DTX2: variants seen among roughly 807,000 people sequenced by gnomAD.
DTX2 encodes deltex E3 ubiquitin ligase 2.
In DTX2, 29 loss-of-function variants were observed where a neutral mutation model predicts 55.3. That is an observed-to-expected ratio of 0.52 (90% CI 0.39 to 0.71). The LOEUF (loss-of-function observed/expected upper bound fraction) is 0.71, where lower values mean the gene tolerates loss of function less well. DTX2 is among the 30% of genes least tolerant of loss of function. DTX2 has a pLI of 0.00. For synonymous variants in DTX2, 276 were observed against 340.4 expected (o/e 0.81, Z 2.08); for missense variants, 537 against 822.5 (o/e 0.65, Z 4.25).
At chr7:76,491,297 T>A (rs1312768930) in intron 4 of DTX2, among the ~76,000 whole-genome samples, 1 of 72,944 alleles carries the variant, frequency 1.4e-5, no homozygotes, top group Non-Finnish European at 2.8e-5. Flanking sequence ...CACCCAGCCA[T>A]TTTTTTTTTT....
chr7:76,482,855 A>G lies in DTX2; in HGVS notation c.616A>G (p.Arg206Gly). The change falls in exon 4 of 11, where the codon AGA becomes GGA. Residue 206 changes from arginine to glycine, a missense_variant. Physicochemically the swap from Arg to Gly is moderately radical, Grantham distance 125. Coordinates refer to ENST00000430490, the MANE Select transcript of DTX2 (RefSeq NM_001102594.3). ...TTGCCACCAGTGCCTCAGTGGCAGC[A>G]GAACTGGCCCCGTGTCAGGCCGCTA... ...CSCHQCLSGS[R>G]TGPVSGRYRH... 6.2e-7 allele frequency: 1 copy of G among 1,613,780 alleles called. No individual in the cohort carries two copies. The highest frequency in any genetic ancestry group is 8.5e-7 in the Non-Finnish European group (1 of 1,179,726).
rs746479588 is a variant in DTX2 at position 76,483,089 on chromosome 7, C to T, written c.850C>T (p.Leu284Phe). ...GAGCCAGCCCCTCTACCGCTCCAGCCTCTCCCACCTGGGACCGCAGCACCT... is the reference window on the plus strand; with the variant it reads ...GAGCCAGCCCCTCTACCGCTCCAGCTTCTCCCACCTGGGACCGCAGCACCT... ...LGSQPLYRSS[L>F]SHLGPQHLPP... is the part of the protein sequence containing the mutation. The change falls in exon 4 of 11, where the codon CTC (leucine) becomes TTC (phenylalanine). Residue 284 changes from leucine (L) to phenylalanine (F), a missense_variant. By Grantham distance (22) the Leu-to-Phe change is conservative. Coordinates refer to ENST00000430490, the MANE Select transcript of DTX2 (RefSeq NM_001102594.3). The T allele has an allele frequency of 3.1e-6, 5 of 1,613,238 alleles. No homozygotes were observed. Among genetic ancestry groups the T allele is most frequent in the East Asian group, 2.2e-5 (1 of 44,874 alleles).
chr7:76,489,450 CTG>C, intron 4 of DTX2, among the ~76,000 whole-genome samples: 1 of 24,800 alleles, frequency 4.0e-5, no homozygotes, highest in Non-Finnish European at 7.1e-5. Flanking sequence ...GACCCCAACT[CTG>C]GGCCCAGCAT....
chr7:76,490,978 G>A lies in DTX2; in HGVS notation c.909-1175G>A, dbSNP rs1001536844. Among the ~76,000 whole-genome samples, 15 of 124,940 alleles carry A rather than the reference G, an allele frequency of 1.2e-4. No individual in the cohort carries two copies. In the South Asian group the frequency reaches 4.4e-3, roughly 37 times the overall value. 82.0% of individuals were successfully genotyped at this position (124,940 alleles called of 152,430 possible). A position where few individuals can be genotyped will look rare whatever the true frequency, so the allele number is the denominator to read the frequency against. Reference sequence around the variant, plus strand: ...TGCCAGGATTTTTCTCCTCTAAACAGGTGCTATGAGAACCTGCTTTTTTTT... The same window carrying A: ...TGCCAGGATTTTTCTCCTCTAAACAAGTGCTATGAGAACCTGCTTTTTTTT... On this transcript the variant is annotated intron_variant, in intron 4 of 10. Transcript: ENST00000430490.
chr7:76,505,713 T>C lies in DTX2; in HGVS notation c.*112T>C. 8.4e-7 allele frequency: 1 copy of C among 1,192,780 alleles called. No homozygotes were observed. Among genetic ancestry groups the C allele is most frequent in the Non-Finnish European group, 1.2e-6 (1 of 856,954 alleles). The allele number at this position is 1,192,780 out of a possible 1,614,324, so 73.9% of individuals were successfully genotyped here. A position where few individuals can be genotyped will look rare whatever the true frequency, so the allele number is the denominator to read the frequency against. ...GAGGCTGGGAGGTTTGTTGAGGGTGTGGGGTGTGCCCCACCTGAAGCCGGG... is the reference window on the plus strand; with the variant it reads ...GAGGCTGGGAGGTTTGTTGAGGGTGCGGGGTGTGCCCCACCTGAAGCCGGG... On this transcript the variant is annotated 3_prime_UTR_variant, in exon 11 of 11. Coordinates refer to ENST00000430490, the MANE Select transcript of DTX2 (RefSeq NM_001102594.3). The surrounding 1 kb of genome is among the most constrained non-coding windows in gnomAD (Gnocchi z 4.4).
At chr7:76,482,037 G>A (rs554789796) in intron 3 of DTX2, among the ~76,000 whole-genome samples, 5 of 152,232 alleles carry the variant, frequency 3.3e-5, no homozygotes, top group East Asian at 3.9e-4. Context: ...TAGAGTCTGT[G>A]AAAACTGTGG....
intron 2 of DTX2, among the ~76,000 whole-genome samples, chr7:76,473,094 T>C (rs1418381539): frequency 6.6e-6 from 1 of 152,058 alleles, no homozygotes; most frequent in Admixed American, 6.6e-5. Context: ...ACCTCCCGAG[T>C]AGCTAAGATT....
At chr7:76,486,812 G>A (rs1392404241) in intron 4 of DTX2, among the ~76,000 whole-genome samples, 6 of 133,402 alleles carry the variant, frequency 4.5e-5, no homozygotes, top group Non-Finnish European at 6.7e-5. Flanking sequence ...CCTGCAAAAC[G>A]GCGCTCAGCT....
chr7:76,474,168 C>G (rs1182415255), intron 2 of DTX2, among the ~76,000 whole-genome samples: 1 of 151,052 alleles, frequency 6.6e-6, no homozygotes, highest in Non-Finnish European at 1.5e-5. Flanking sequence ...TGATCCGTGC[C>G]TGGCCTACTT....
At position 76,505,925 on chromosome 7, in the gene DTX2, C is replaced by T. The variant is rs1397882890; in HGVS notation, c.*324C>T. ...CGAGTAGAGACTTCCCCAGCCTGGA[C>T]GGGCGTGGGTTCTGGGTCAGCTTCT... On this transcript the variant is annotated 3_prime_UTR_variant, in exon 11 of 11. Coordinates refer to ENST00000430490, the MANE Select transcript of DTX2 (RefSeq NM_001102594.3). This position sits in a 1 kb window ranked among gnomAD's most constrained non-coding sequence, Gnocchi z 4.4. 2.4e-5 allele frequency: 12 copies of T among 508,698 alleles called. No individual in the cohort carries two copies. Among genetic ancestry groups the T allele is most frequent in the South Asian group, 1.2e-4 (5 of 41,990 alleles). 31.5% of individuals were successfully genotyped at this position (508,698 alleles called of 1,614,324 possible). A position where few individuals can be genotyped will look rare whatever the true frequency, so the allele number is the denominator to read the frequency against.
intron 2 of DTX2, among the ~76,000 whole-genome samples, chr7:76,479,873 G>T (rs139607197): frequency 0.027 from 3,987 of 150,134 alleles, 153 homozygotes; most frequent in African/African-American, 0.094. Context: ...ACTAGCACCC[G>T]GAATTTATGC....
rs552061290 is a variant in DTX2 at position 76,473,626 on chromosome 7, C to T, written c.-89-6795C>T. On this transcript the variant is annotated intron_variant, in intron 2 of 10. Coordinates refer to ENST00000430490, the MANE Select transcript of DTX2 (RefSeq NM_001102594.3). ...TTGAGACCAGCCCTGGCCAACATAG[C>T]GAAACCCCGTTTCTACTAAAAATAC... Among the ~76,000 whole-genome samples the T allele has an allele frequency of 2.0e-5, 2 of 99,034 alleles. 1 individual carries two copies. The highest frequency in any genetic ancestry group is 4.2e-5 in the Non-Finnish European group (2 of 47,198). The allele number at this position is 99,034 out of a possible 152,430, so 65.0% of individuals were successfully genotyped here.
At chr7:76,479,922 G>A (rs1252249629) in intron 2 of DTX2, among the ~76,000 whole-genome samples, 1 of 150,770 alleles carries the variant, frequency 6.6e-6, no homozygotes, top group African/African-American at 2.5e-5. Context: ...TACGTAGGCT[G>A]CGGGATTGAC....
At chr7:76,474,506 G>GC (rs1808324586) in intron 2 of DTX2, 1 of 152,122 alleles carries the variant, frequency 6.6e-6, no homozygotes, top group Non-Finnish European at 1.5e-5. Flanking sequence ...ATCTTCTCTC[G>GC]GGACGGCAGA....
chr7:76,503,032 A>C (rs1811911920), intron 8 of DTX2: 1 of 253,792 alleles, frequency 3.9e-6, no homozygotes, highest in South Asian at 8.2e-5. Flanking sequence ...TAGAGAACCG[A>C]GTCATGTGGC....
chr7:76,466,879 T>C (rs1212410901), intron 2 of DTX2, among the ~76,000 whole-genome samples: 1 of 151,830 alleles, frequency 6.6e-6, no homozygotes, highest in Non-Finnish European at 1.5e-5. Context: ...ATTACAGGTG[T>C]GAGGCACCGC....
intron 7 of DTX2, chr7:76,501,315 GC>G (rs1271140551): frequency 4.4e-6 from 2 of 456,072 alleles, no homozygotes; most frequent in Non-Finnish European, 8.8e-6. Context: ...TTGGAAAGGA[GC>G]CTGAACGTCC....
chr7:76,495,677 C>G (rs1029847625), intron 5 of DTX2, among the ~76,000 whole-genome samples: 42 of 150,368 alleles, frequency 2.8e-4, no homozygotes, highest in African/African-American at 1.0e-3. Flanking sequence ...ACTGCCCCAG[C>G]GGGGTGCTGG....
intron 3 of DTX2, among the ~76,000 whole-genome samples, chr7:76,481,384 GC>G (rs1042262397): frequency 3.3e-5 from 5 of 152,040 alleles, no homozygotes; most frequent in Non-Finnish European, 7.4e-5. Flanking sequence ...ACGGGGTTTT[GC>G]CACGTTGGCC....
Sources: gnomAD v4.1 joint callset for allele counts (sites outside exome capture counted in the v4.1 genomes callset) on GRCh38, gnomAD v4.1.1 for gene constraint, Gnocchi (gnomAD v3.1) non-coding constraint, MANE v1.5 for transcripts, NCBI Gene and HGNC (gene_info 2026-07-23, HGNC 2026-07-21) for gene names.